RNFT2: variants seen among roughly 807,000 people sequenced by gnomAD.
The protein encoded by RNFT2 is E3 ubiquitin-protein ligase RNFT2.
Under a neutral mutation model 53.0 loss-of-function variants are expected in RNFT2, and 36 were observed. The observed-to-expected ratio is 0.68, with a 90% confidence interval of 0.52 to 0.90. RNFT2 has a LOEUF of 0.90. Among genes scored for constraint, RNFT2 ranks in the 40% least tolerant of loss-of-function variants. The pLI is 0.00. For synonymous variants in RNFT2, 260 were observed against 253.2 expected (o/e 1.03, Z -0.26); for missense variants, 514 against 585.6 (o/e 0.88, Z 1.26).
At chr12:116,830,131 C>G (rs983398954) in intron 7 of RNFT2, among the ~76,000 whole-genome samples, 9 of 152,104 alleles carry the variant, frequency 5.9e-5, no homozygotes, top group African/African-American at 1.9e-4. Flanking sequence ...TTCCCATATA[C>G]CCTTCATTCC....
At chr12:116,808,758 C>G (rs1225414272) in intron 7 of RNFT2, among the ~76,000 whole-genome samples, 1 of 152,184 alleles carries the variant, frequency 6.6e-6, no homozygotes, top group Non-Finnish European at 1.5e-5. Context: ...TGGCAAACGG[C>G]AGGGAGGAGG....
chr12:116,811,435 G>A lies in RNFT2; in HGVS notation c.883-22357G>A, dbSNP rs148812532. On this transcript the variant is annotated intron_variant, in intron 7 of 10. Coordinates refer to ENST00000257575, the MANE Select transcript of RNFT2 (RefSeq NM_001382266.1). ...CTGTCGCCCAGGCTGGAGTGCAGTG[G>A]GGCCATCTCGGCTCACTGCAACCTC... Among the ~76,000 whole-genome samples the A allele has an allele frequency of 4.1e-3, 616 of 151,698 alleles. 4 individuals carry two copies. Among genetic ancestry groups the A allele is most frequent in the African/African-American group, 0.014 (573 of 41,366 alleles).
chr12:116,738,653 G>A (rs1435390270), intron 1 of RNFT2: 1 of 152,150 alleles, frequency 6.6e-6, no homozygotes, highest in Non-Finnish European at 1.5e-5. Flanking sequence ...GGACATAGTG[G>A]GATGTACAGA....
intron 3 of RNFT2, among the ~76,000 whole-genome samples, chr12:116,746,801 G>A (rs966591844): frequency 6.6e-6 from 1 of 152,154 alleles, no homozygotes; most frequent in Non-Finnish European, 1.5e-5. Context: ...TGAGACCATG[G>A]GAAGGAACAC....
intron 7 of RNFT2, among the ~76,000 whole-genome samples, chr12:116,805,819 C>T (rs912706142): frequency 1.3e-5 from 2 of 152,168 alleles, no homozygotes; most frequent in Non-Finnish European, 2.9e-5. Context: ...CTCGGGGAAA[C>T]CTCAGTCTTG....
At chr12:116,846,777 T>C (rs980014010) in intron 10 of RNFT2, among the ~76,000 whole-genome samples, 2 of 152,090 alleles carry the variant, frequency 1.3e-5, no homozygotes, top group African/African-American at 4.8e-5. Context: ...AATTTTTTTT[T>C]CCCTAAACCA....
chr12:116,743,290 G>A (rs1871733405), intron 3 of RNFT2, among the ~76,000 whole-genome samples: 1 of 114,626 alleles, frequency 8.7e-6, no homozygotes, highest in Non-Finnish European at 1.8e-5. Context: ...TTTTTGAGAT[G>A]GAGTCTTGCT....
At chr12:116,849,195 G>A (rs1172408607) in intron 10 of RNFT2, 119 bp from the exon 11 acceptor site, 9 of 732,570 alleles carry the variant, frequency 1.2e-5, no homozygotes, top group Non-Finnish European at 1.8e-5. Flanking sequence ...CCCAACGCGA[G>A]TGCAGGCGCC....
At chr12:116,763,190 A>T (rs1872758229) in intron 5 of RNFT2, among the ~76,000 whole-genome samples, 1 of 144,542 alleles carries the variant, frequency 6.9e-6, no homozygotes, top group African/African-American at 2.5e-5. Flanking sequence ...AAAAAAAAAA[A>T]TCTCATCAGA....
At chr12:116,788,578 G>T (rs1378976744) in intron 7 of RNFT2, among the ~76,000 whole-genome samples, 1 of 152,044 alleles carries the variant, frequency 6.6e-6, no homozygotes, top group African/African-American at 2.4e-5. Context: ...CACTCTGACT[G>T]TAATTGTTTG....
Position 116,779,132 on chromosome 12 carries a change from TAGA to T in RNFT2, c.729-60_729-58del, listed in dbSNP as rs1452865968. On this transcript the variant is annotated intron_variant, in intron 6 of 10. Coordinates refer to ENST00000257575, the MANE Select transcript of RNFT2 (RefSeq NM_001382266.1). ...GATACTTAGAAGGCTCCTGAGTGAG[TAGA>T]AGGAGCTGCTGAGGCCTGGCCCTAA... 2.6e-6 allele frequency: 4 copies of T among 1,547,154 alleles called. No individual in the cohort carries two copies. In the Admixed American group the frequency reaches 5.1e-5, roughly 20 times the overall value.
chr12:116,748,191 A>C (rs1425331337), intron 3 of RNFT2, among the ~76,000 whole-genome samples: 3 of 152,090 alleles, frequency 2.0e-5, no homozygotes, highest in Non-Finnish European at 1.5e-5. Flanking sequence ...CTCTGTCTCA[A>C]AAGAAAAAAA....
intron 7 of RNFT2, among the ~76,000 whole-genome samples, chr12:116,822,404 TG>T (rs1405164228): frequency 2.0e-5 from 3 of 152,130 alleles, no homozygotes; most frequent in Non-Finnish European, 4.4e-5. Context: ...GGGCTGCCAG[TG>T]GCCATCTTTC....
chr12:116,780,990 G>A (rs1193193180), intron 7 of RNFT2, among the ~76,000 whole-genome samples: 3 of 152,096 alleles, frequency 2.0e-5, no homozygotes, highest in Non-Finnish European at 2.9e-5. Flanking sequence ...TAACAATAGC[G>A]CCTTCCTCCA....
chr12:116,830,214 T>TA (rs1193405417), intron 7 of RNFT2, among the ~76,000 whole-genome samples: 1 of 152,194 alleles, frequency 6.6e-6, no homozygotes, highest in Non-Finnish European at 1.5e-5. Context: ...TCAATACTGT[T>TA]ACTACTAACC....
chr12:116,829,883 A>G (rs558727601), intron 7 of RNFT2, among the ~76,000 whole-genome samples: 7 of 151,936 alleles, frequency 4.6e-5, no homozygotes, highest in Non-Finnish European at 1.0e-4. Context: ...GCCCAGACTC[A>G]TTTCCCCTCT....
intron 7 of RNFT2, among the ~76,000 whole-genome samples, chr12:116,806,381 A>AAATATAT (rs1465646224): frequency 1.5e-5 from 2 of 133,484 alleles, no homozygotes; most frequent in East Asian, 2.2e-4. Flanking sequence ...AAAAAAAAAA[A>AAATATAT]ATATATATAT....
In RNFT2 at chr12:116,833,827, G is replaced by A. The variant is rs759507233; in HGVS notation, c.918G>A (p.Gln306=). 6.2e-7 allele frequency: 1 copy of A among 1,613,316 alleles called. No homozygotes were observed. The highest frequency in any genetic ancestry group is 1.3e-5 in the African/African-American group (1 of 74,986). The change falls in exon 8 of 11, where the codon CAG becomes CAA. Residue 306 remains glutamine (Q), a synonymous_variant. Coordinates refer to ENST00000257575, the MANE Select transcript of RNFT2 (RefSeq NM_001382266.1). ...KFYLVIEELS[Q]LFRSLVPIQL... ...ATCTGGTCATCGAGGAGCTGAGCCAGCTGTTCCGATCCCTTGTCCCCATCC... is the reference window on the plus strand; with the variant it reads ...ATCTGGTCATCGAGGAGCTGAGCCAACTGTTCCGATCCCTTGTCCCCATCC...
intron 10 of RNFT2, among the ~76,000 whole-genome samples, chr12:116,840,359 C>T (rs548590939): frequency 1.4e-4 from 22 of 152,236 alleles, no homozygotes; most frequent in South Asian, 6.2e-4. Flanking sequence ...CCTGAGGTCC[C>T]GTTGTTCCTC....
Sources: gnomAD v4.1 joint callset for allele counts (sites outside exome capture counted in the v4.1 genomes callset) on GRCh38, gnomAD v4.1.1 for gene constraint, MANE v1.5 for transcripts, NCBI Gene and HGNC (gene_info 2026-07-23, HGNC 2026-07-21) for gene names.